Variants in RANGAP1 observed in about 807,000 individuals in gnomAD.
The protein encoded by RANGAP1 is ran GTPase-activating protein 1.
In RANGAP1, 38 loss-of-function variants were observed where a neutral mutation model predicts 63.5. The ratio of observed to expected loss-of-function variants is 0.60; its 90% CI spans 0.46 to 0.78. RANGAP1 has a LOEUF of 0.78. Among genes scored for constraint, RANGAP1 ranks in the 30% least tolerant of loss-of-function variants. The pLI is 0.00. For synonymous variants in RANGAP1, 329 were observed against 310.5 expected (o/e 1.06, Z -0.63); for missense variants, 630 against 740.3 (o/e 0.85, Z 1.73).
At chr22:41,293,085 A>G in the RANGAP1 span, among the ~76,000 whole-genome samples, 3 of 151,704 alleles carry the variant, frequency 2.0e-5, no homozygotes, top group Non-Finnish European at 4.4e-5. Context: ...AATACAAAAA[A>G]TTAGCCAGGC....
chr22:41,249,465 A>G lies in RANGAP1; in HGVS notation c.1573-14T>C, dbSNP rs1367706509. The G allele has an allele frequency of 6.2e-7, 1 of 1,609,636 alleles. No homozygotes were observed. The highest frequency in any genetic ancestry group is 1.4e-5 in the African/African-American group (1 of 72,926). On this transcript the variant is annotated splice_polypyrimidine_tract_variant and intron_variant, in intron 14 of 15. Coordinates refer to ENST00000356244, the MANE Select transcript of RANGAP1 (RefSeq NM_002883.4). ...CTTGTCTTCACTCTGAGAGGAACAC[A>G]GCGAAAAGCGGGGTGAGCTTCAAAG...
At chr22:41,267,670 G>T (rs552080507) in intron 4 of RANGAP1, among the ~76,000 whole-genome samples, 1 of 152,188 alleles carries the variant, frequency 6.6e-6, no homozygotes. Flanking sequence ...ACAGTGGTAC[G>T]GAGAAAGGGA....
At position 41,246,370 on chromosome 22, in the gene RANGAP1, C is replaced by G. The variant is rs532443949; in HGVS notation, c.*233G>C. On this transcript the variant is annotated 3_prime_UTR_variant, in exon 16 of 16. Coordinates refer to ENST00000356244, the MANE Select transcript of RANGAP1 (RefSeq NM_002883.4). The stretch of plus-strand genomic sequence containing the variant: ...TGGGGGCCAACTCCCCACAACAGAG[C>G]AGGGCTGGGCCAGCAGAAGACGTTA... 2 of 475,624 alleles carry G rather than the reference C, an allele frequency of 4.2e-6. No individual in the cohort carries two copies. The highest frequency in any genetic ancestry group is 3.5e-5 in the Admixed American group (1 of 28,900). 29.5% of individuals were successfully genotyped at this position (475,624 alleles called of 1,614,324 possible). A position where few individuals can be genotyped will look rare whatever the true frequency, so the allele number is the denominator to read the frequency against.
chr22:41,285,350 C>T, intron 1 of RANGAP1: 1 of 289,194 alleles, frequency 3.5e-6, no homozygotes, highest in Non-Finnish European at 5.2e-6. Flanking sequence ...GAGATGCACC[C>T]CTCCACACTC....
rs773664971 is a variant in RANGAP1 at position 41,249,718 on chromosome 22, TCCGG to T, written c.1572+7_1572+10del. 1 of 1,609,548 alleles carries T rather than the reference TCCGG, an allele frequency of 6.2e-7. No individual in the cohort carries two copies. Among genetic ancestry groups the T allele is most frequent in the South Asian group, 1.1e-5 (1 of 90,990 alleles). ...CCTCCCTCCCGGGCCTGCTGTTCCT[TCCGG>T]CCTCACCTTGAGCAGACCCATGTGC... On this transcript the variant is annotated splice_region_variant and intron_variant, in intron 14 of 15. Coordinates refer to ENST00000356244, the MANE Select transcript of RANGAP1 (RefSeq NM_002883.4).
chr22:41,263,113 G>A (rs959336276), intron 5 of RANGAP1, among the ~76,000 whole-genome samples: 3 of 152,092 alleles, frequency 2.0e-5, no homozygotes, highest in East Asian at 3.9e-4. Flanking sequence ...CTGCCCAGGA[G>A]GCCCTCTGGT....
Position 41,252,980 on chromosome 22 carries a change from G to T in RANGAP1, c.1272C>A (p.Pro424=). Residue 424 remains proline, a synonymous_variant, in exon 12 of 16, where the codon CCC becomes CCA. Transcript: ENST00000356244. ...ILDPNTGEPA[P]VLSSPPPADV... ...CTGCAGGAGGTGGGGAGGACAGCAC[G>T]GGAGCTGGCTCCTGGGAAGTAGGGG... is the stretch of plus-strand genomic sequence containing the variant. 6.6e-7 allele frequency: 1 copy of T among 1,506,122 alleles called. No individual in the cohort carries two copies. Among genetic ancestry groups the T allele is most frequent in the East Asian group, 2.6e-5 (1 of 38,094 alleles). The allele number at this position is 1,506,122 out of a possible 1,614,324, so 93.3% of individuals were successfully genotyped here.
Position 41,249,305 on chromosome 22 carries a change from G to A in RANGAP1, c.1694+25C>T, listed in dbSNP as rs189915624. 129 of 1,568,826 alleles carry A rather than the reference G, an allele frequency of 8.2e-5. No homozygotes were observed. In the East Asian group the frequency reaches 1.8e-3, roughly 22 times the overall value. ...AGAGAAGCCCGAGAGGGCAGGCACC[G>A]GCAGAAGGACAAGGCCACACTCACT... is the stretch of plus-strand genomic sequence containing the variant. On this transcript the variant is annotated intron_variant, in intron 15 of 15. Coordinates refer to ENST00000356244, the MANE Select transcript of RANGAP1 (RefSeq NM_002883.4).
At chr22:41,268,666 G>C (rs538635285) in intron 3 of RANGAP1, among the ~76,000 whole-genome samples, 1 of 152,338 alleles carries the variant, frequency 6.6e-6, no homozygotes, top group African/African-American at 2.4e-5. Context: ...GTTATTGGGG[G>C]CTCACAAGTG....
rs1035529813 is a variant in RANGAP1 at position 41,245,103 on chromosome 22, G to A, written c.*1500C>T. On this transcript the variant is annotated 3_prime_UTR_variant, in exon 16 of 16. Coordinates refer to ENST00000356244, the MANE Select transcript of RANGAP1 (RefSeq NM_002883.4). ...GCCAGCCCCACACCCACCCCCTACC[G>A]TATCAACTCACACAGAAGACAGGGG... 2.0e-5 allele frequency among the ~76,000 whole-genome samples: 3 copies of A among 152,142 alleles called. No individual in the cohort carries two copies. The highest frequency in any genetic ancestry group is 2.9e-5 in the Non-Finnish European group (2 of 68,032).
chr22:41,267,455 G>A (rs774581815), intron 4 of RANGAP1, among the ~76,000 whole-genome samples: 6 of 152,184 alleles, frequency 3.9e-5, no homozygotes, highest in East Asian at 3.9e-4. Context: ...GTGCAGCCCC[G>A]TGCCAGGAGG....
intron 3 of RANGAP1, 56 bp from the exon 4 acceptor site, chr22:41,268,212 T>C: frequency 1.5e-6 from 2 of 1,373,152 alleles, no homozygotes; most frequent in Non-Finnish European, 2.0e-6. Context: ...AGGCCCATAG[T>C]GAAGCCTCAT....
chr22:41,246,408 C>T lies in RANGAP1; in HGVS notation c.*195G>A, dbSNP rs568808714. ...GCAGAAGACGTTAAAACCCAAATCCCGACAGGAGGCACAGACCTGCACATG... is the reference window on the plus strand; with the variant it reads ...GCAGAAGACGTTAAAACCCAAATCCTGACAGGAGGCACAGACCTGCACATG... On this transcript the variant is annotated 3_prime_UTR_variant, in exon 16 of 16. Coordinates refer to ENST00000356244, the MANE Select transcript of RANGAP1 (RefSeq NM_002883.4). 6 of 580,074 alleles carry T rather than the reference C, an allele frequency of 1.0e-5. No homozygotes were observed. Among genetic ancestry groups the T allele is most frequent in the East Asian group, 9.3e-5 (3 of 32,336 alleles). The allele number at this position is 580,074 out of a possible 1,614,324, so 35.9% of individuals were successfully genotyped here.
At chr22:41,251,748 A>T (rs141905708) in intron 12 of RANGAP1, among the ~76,000 whole-genome samples, 230 of 152,312 alleles carry the variant, frequency 1.5e-3, no homozygotes, top group Non-Finnish European at 2.4e-3. Context: ...CAACCTCACA[A>T]CAGGGAAAAG....
upstream of RANGAP1, among the ~76,000 whole-genome samples, chr22:41,290,176 GAGAA>G (rs1420354989): frequency 6.7e-6 from 1 of 148,284 alleles, no homozygotes; most frequent in South Asian, 2.1e-4. Context: ...GAGAGAGAGA[GAGAA>G]AGAGAATAGA....
Position 41,276,322 on chromosome 22 carries a change from G to C in RANGAP1, c.113-1595C>G, listed in dbSNP as rs1357016285. Among the ~76,000 whole-genome samples, 5 of 152,254 alleles carry C rather than the reference G, an allele frequency of 3.3e-5. No homozygotes were observed. The East Asian group carries it at 9.6e-4, about 29-fold the overall frequency. On this transcript the variant is annotated intron_variant, in intron 2 of 15. Coordinates refer to ENST00000356244, the MANE Select transcript of RANGAP1 (RefSeq NM_002883.4). The stretch of plus-strand genomic sequence containing the variant: ...TCAGGTTATATAGCAGCTTTTAAAA[G>C]ATCTATAATATAATCCCAATTAAAA...
At chr22:41,271,077 G>C (rs1033325233) in intron 3 of RANGAP1, among the ~76,000 whole-genome samples, 1 of 152,094 alleles carries the variant, frequency 6.6e-6, no homozygotes, top group Admixed American at 6.6e-5. Flanking sequence ...GATCTCCCAC[G>C]AGAACAGCAA....
chr22:41,248,205 G>T (rs1212525927), intron 15 of RANGAP1, among the ~76,000 whole-genome samples: 1 of 152,088 alleles, frequency 6.6e-6, no homozygotes, highest in Non-Finnish European at 1.5e-5. Context: ...GGGTGGGGTC[G>T]GGGTGAGGCT....
At chr22:41,278,039 T>G (rs999930185) in intron 2 of RANGAP1, among the ~76,000 whole-genome samples, 23 of 60,092 alleles carry the variant, frequency 3.8e-4, no homozygotes, top group Admixed American at 3.5e-3. Context: ...CAAACTTGAG[T>G]TTTTTTTTTT....
Sources: gnomAD v4.1 joint callset for allele counts (sites outside exome capture counted in the v4.1 genomes callset) on GRCh38, gnomAD v4.1.1 for gene constraint, MANE v1.5 for transcripts, NCBI Gene and HGNC (gene_info 2026-07-23, HGNC 2026-07-21) for gene names.